COL4A1: variants seen among roughly 807,000 people sequenced by gnomAD.
COL4A1 encodes the protein collagen type IV alpha 1 chain.
Under a neutral mutation model 216.6 loss-of-function variants are expected in COL4A1, and 40 were observed. That is an observed-to-expected ratio of 0.18 (90% CI 0.14 to 0.24). The LOEUF is 0.24. Among genes scored for constraint, COL4A1 ranks in the 10% least tolerant of loss-of-function variants. COL4A1 has a pLI of 1.00. For synonymous variants in COL4A1, 839 were observed against 810.7 expected, an observed-to-expected ratio of 1.03 and a Z score of -0.59; for missense variants, 1,628 against 2,196.8, an observed-to-expected ratio of 0.74 and a Z score of 5.18.
At chr13:110,250,203 CAAAA>C (rs796114385) in intron 1 of COL4A1, among the ~76,000 whole-genome samples, 2 of 71,862 alleles carry the variant, frequency 2.8e-5, no homozygotes, top group Admixed American at 3.1e-4. Context: ...ACATTCTTGG[CAAAA>C]AAAAAAAAAA....
intron 1 of COL4A1, among the ~76,000 whole-genome samples, chr13:110,301,642 C>T (rs751454314): frequency 4.6e-5 from 7 of 152,122 alleles, no homozygotes; most frequent in Non-Finnish European, 7.4e-5. Context: ...GAGGGGATCA[C>T]GTGGAAAAGG....
At chr13:110,198,168 A>G (rs1182869362) in intron 21 of COL4A1, among the ~76,000 whole-genome samples, 1 of 150,632 alleles carries the variant, frequency 6.6e-6, no homozygotes. Flanking sequence ...TTCTGTTTTC[A>G]ATAAAAATTA....
chr13:110,196,137 T>A (rs1022912882), intron 21 of COL4A1, among the ~76,000 whole-genome samples: 2 of 152,262 alleles, frequency 1.3e-5, no homozygotes, highest in Admixed American at 6.5e-5. Context: ...TAGCTTCCGC[T>A]GTGTAGGAAC....
intron 24 of COL4A1, among the ~76,000 whole-genome samples, chr13:110,189,186 TC>T (rs780722206): frequency 3.3e-4 from 51 of 152,270 alleles, no homozygotes; most frequent in Non-Finnish European, 5.4e-4. Context: ...GCCTCAGCCT[TC>T]CGAGCAGCTG....
chr13:110,289,258 C>T (rs1883981650), intron 1 of COL4A1, among the ~76,000 whole-genome samples: 1 of 152,152 alleles, frequency 6.6e-6, no homozygotes, highest in African/African-American at 2.4e-5. Context: ...AGGTAGAGGG[C>T]TGGAGTGATG....
At chr13:110,252,010 A>G (rs1459281771) in intron 1 of COL4A1, among the ~76,000 whole-genome samples, 1 of 152,152 alleles carries the variant, frequency 6.6e-6, no homozygotes, top group African/African-American at 2.4e-5. Context: ...CTTCTTTATT[A>G]ATTCCTAATC....
Position 110,201,482 on chromosome 13 carries a change from C to T in COL4A1, c.1040G>A (p.Gly347Asp). ...TCTTGGCCCCGGAGTTCCAGGGTAG[C>T]CCCTCTCTCCTTTTTCTCCCAAAGG... ...TGPLGEKGERGYPGTPGPRGE... is the reference protein window; with the variant it reads ...TGPLGEKGERDYPGTPGPRGE... The change falls in exon 19 of 52, where the codon GGC becomes GAC. Residue 347 changes from glycine (G) to aspartate (D), a missense_variant. This residue lies in a region of COL4A1 where 701 missense variants were observed against 892.5 expected (regional missense o/e 0.79). Transcript: ENST00000375820. 1 of 1,614,122 alleles carries T rather than the reference C, an allele frequency of 6.2e-7. No homozygotes were observed. Among genetic ancestry groups the T allele is most frequent in the Non-Finnish European group, 8.5e-7 (1 of 1,180,024 alleles).
rs79494876 is a variant in COL4A1, at chr13:110,244,165, A to G, written c.85-1431T>C. Among the ~76,000 whole-genome samples, 729 of 152,334 alleles carry G rather than the reference A, an allele frequency of 4.8e-3. 2 individuals carry two copies. The highest frequency in any genetic ancestry group is 7.1e-3 in the Non-Finnish European group (481 of 68,024). ...ATAGTATTGTGATCATGCAAAGTGT[A>G]TATTTTTAACAACATATTCCAGCCT... On this transcript the variant is annotated intron_variant, in intron 1 of 51. Transcript: ENST00000375820.
rs1355988040 is a variant in COL4A1 at position 110,149,309 on chromosome 13, G to A, written c.*1054C>T. 1.3e-5 allele frequency: 2 copies of A among 154,764 alleles called. No homozygotes were observed. Among genetic ancestry groups the A allele is most frequent in the Middle Eastern group, 5.1e-4 (1 of 1,948 alleles). 9.6% of individuals were successfully genotyped at this position (154,764 alleles called of 1,614,324 possible). A position where few individuals can be genotyped will look rare whatever the true frequency, so the allele number is the denominator to read the frequency against. On this transcript the variant is annotated 3_prime_UTR_variant, in exon 52 of 52. Coordinates refer to ENST00000375820, the MANE Select transcript of COL4A1 (RefSeq NM_001845.6). ...TTACGTGTGAAAATACTGATACTGT[G>A]ATTCAACAGAGCTGTTTTTCAAGCC...
chr13:110,248,003 C>T (rs1355193931), intron 1 of COL4A1, among the ~76,000 whole-genome samples: 2 of 151,988 alleles, frequency 1.3e-5, no homozygotes, highest in African/African-American at 2.4e-5. Context: ...CCTTTAACAT[C>T]GCAGCTTTCA....
chr13:110,256,739 G>A (rs970112045), intron 1 of COL4A1, among the ~76,000 whole-genome samples: 11 of 144,818 alleles, frequency 7.6e-5, no homozygotes, highest in African/African-American at 1.8e-4. Context: ...GCCCCAGACC[G>A]GCGGCGGGGG....
chr13:110,252,677 T>A (rs1442760770), intron 1 of COL4A1, among the ~76,000 whole-genome samples: 2 of 143,206 alleles, frequency 1.4e-5, no homozygotes, highest in African/African-American at 5.1e-5. Context: ...ATACATATAA[T>A]ATGTATATAT....
At chr13:110,266,700 C>T (rs757221515) in intron 1 of COL4A1, among the ~76,000 whole-genome samples, 8 of 152,138 alleles carry the variant, frequency 5.3e-5, no homozygotes, top group South Asian at 2.1e-4. Context: ...ATCATGCTTA[C>T]GTAAAAGAAA....
chr13:110,234,723 T>C (rs1881227183), intron 2 of COL4A1, among the ~76,000 whole-genome samples: 1 of 152,192 alleles, frequency 6.6e-6, no homozygotes, highest in Non-Finnish European at 1.5e-5. Context: ...CAAATGTCCA[T>C]TTAACCTGAA....
At chr13:110,167,593 G>C (rs551178596) in intron 43 of COL4A1, among the ~76,000 whole-genome samples, 1 of 152,172 alleles carries the variant, frequency 6.6e-6, no homozygotes, top group East Asian at 1.9e-4. Flanking sequence ...TAGCCATCCA[G>C]CACCAGCCAA....
intron 44 of COL4A1, among the ~76,000 whole-genome samples, 186 bp from the exon 45 acceptor site, chr13:110,166,489 GCATACATATACA>G (rs1404494462): frequency 5.9e-5 from 9 of 152,204 alleles, no homozygotes; most frequent in Non-Finnish European, 7.3e-5. Context: ...GCTTATGCAT[GCATACATATACA>G]CATACATATA....
In COL4A1 at chr13:110,200,905, G is replaced by C. The variant is rs911085660; in HGVS notation, c.1085-16C>G. On this transcript the variant is annotated splice_polypyrimidine_tract_variant and intron_variant, in intron 19 of 51. Coordinates refer to ENST00000375820, the MANE Select transcript of COL4A1 (RefSeq NM_001845.6). ...CCTGGGAAACCTGAAAAGAGAAAGA[G>C]AGTGTTGGATCAAACAGAACAGTTC... 3.7e-6 allele frequency: 6 copies of C among 1,613,844 alleles called. No homozygotes were observed. Among genetic ancestry groups the C allele is most frequent in the East Asian group, 4.5e-5 (2 of 44,880 alleles).
intron 26 of COL4A1, among the ~76,000 whole-genome samples, chr13:110,184,135 C>T (rs1046030317): frequency 6.6e-6 from 1 of 152,204 alleles, no homozygotes; most frequent in Non-Finnish European, 1.5e-5. Flanking sequence ...AGATCAAAGA[C>T]ATCTGTTTTC....
chr13:110,207,851 A>T lies in COL4A1; in HGVS notation c.694-362T>A, dbSNP rs1879586923. 6.6e-6 allele frequency among the ~76,000 whole-genome samples: 1 copy of T among 152,180 alleles called. No homozygotes were observed. Among genetic ancestry groups the T allele is most frequent in the South Asian group, 2.1e-4 (1 of 4,828 alleles). ...CAAACTACCTAATAGAGCTTGAGAA[A>T]AAAGAAGGCATTTTAGGTAATCCCA... is the stretch of plus-strand genomic sequence containing the variant. On this transcript the variant is annotated intron_variant, in intron 12 of 51. Transcript: ENST00000375820. The surrounding 1 kb of genome is among the most constrained non-coding windows in gnomAD (Gnocchi z 4.4).
Sources: gnomAD v4.1 joint callset for allele counts (sites outside exome capture counted in the v4.1 genomes callset) on GRCh38, gnomAD v4.1.1 for gene constraint, gnomAD v4.1.1 regional missense constraint, Gnocchi (gnomAD v3.1) non-coding constraint, MANE v1.5 for transcripts, NCBI Gene and HGNC (gene_info 2026-07-23, HGNC 2026-07-21) for gene names.